The following LONP2 variants were observed in gnomAD, a reference collection of about 807,000 sequenced individuals.
The protein encoded by LONP2 is lon peptidase 2, peroxisomal, also known as lon protease homolog 2, peroxisomal.
Under a neutral mutation model 85.6 loss-of-function variants are expected in LONP2, and 60 were observed. The observed-to-expected ratio is 0.70, with a 90% CI of 0.57 to 0.87. The LOEUF (loss-of-function observed/expected upper bound fraction) is 0.87. Among genes scored for constraint, LONP2 ranks in the 40% least tolerant of loss-of-function variants. LONP2 has a pLI of 0.00. For synonymous variants in LONP2, 395 were observed against 389.7 expected, an observed-to-expected ratio of 1.01 and a Z score of -0.16; for missense variants, 860 against 1,063.5, an observed-to-expected ratio of 0.81 and a Z score of 2.66.
At chr16:48,279,118 G>A (rs1206422280) in intron 8 of LONP2, among the ~76,000 whole-genome samples, 3 of 151,596 alleles carry the variant, frequency 2.0e-5, no homozygotes, top group Non-Finnish European at 2.9e-5. Context: ...TGACCACTTG[G>A]TATATTAAAA....
intron 9 of LONP2, 101 bp downstream of exon 9, chr16:48,296,266 AAC>A: frequency 7.8e-7 from 1 of 1,274,242 alleles, no homozygotes; most frequent in Non-Finnish European, 1.1e-6. Flanking sequence ...TTCATTTGCC[AAC>A]ATACAATCTT....
intron 11 of LONP2, among the ~76,000 whole-genome samples, chr16:48,333,124 G>T (rs2151023792): frequency 6.6e-6 from 1 of 152,054 alleles, no homozygotes; most frequent in South Asian, 2.1e-4. Flanking sequence ...AGTATTTCCT[G>T]CAGTTTTAAA....
downstream of LONP2, among the ~76,000 whole-genome samples, chr16:48,358,524 T>C (rs1285444978): frequency 6.6e-6 from 1 of 152,174 alleles, no homozygotes; most frequent in African/African-American, 2.4e-5. Context: ...CCCAATATCT[T>C]TGAAAATAAA....
chr16:48,310,180 T>C (rs1973000429), intron 11 of LONP2, among the ~76,000 whole-genome samples: 1 of 152,180 alleles, frequency 6.6e-6, no homozygotes, highest in Non-Finnish European at 1.5e-5. Context: ...ACCTTCAGTC[T>C]GTGTGTCTTT....
chr16:48,361,485 T>C (rs906544547), downstream of LONP2: 1 of 1,259,154 alleles, frequency 7.9e-7, no homozygotes, highest in Non-Finnish European at 1.1e-6. Context: ...AGCTTCCACC[T>C]ACCGAAAGAG....
Position 48,348,236 on chromosome 16 carries a change from A to T in LONP2, c.2283A>T (p.Val761=). 6.2e-7 allele frequency: 1 copy of T among 1,611,760 alleles called. No individual in the cohort carries two copies. The highest frequency in any genetic ancestry group is 8.5e-7 in the Non-Finnish European group (1 of 1,179,466). The change falls in exon 14 of 15, where the codon GTA becomes GTT. Residue 761 remains valine (V), a synonymous_variant. Coordinates refer to ENST00000285737, the MANE Select transcript of LONP2 (RefSeq NM_031490.5). ...CLASLFSGRL[V]RSDVAMTGEI... ...CCTCACTTTTTAGTGGGCGGCTGGT[A>T]CGTTCAGATGTAGCCATGACTGGAG...
chr16:48,351,128 C>T (rs981792291), intron 14 of LONP2, among the ~76,000 whole-genome samples: 1 of 152,206 alleles, frequency 6.6e-6, no homozygotes, highest in Non-Finnish European at 1.5e-5. Flanking sequence ...ACATTTTCTT[C>T]ATTAACCAGC....
At chr16:48,289,748 A>C (rs1972521605) in intron 8 of LONP2, among the ~76,000 whole-genome samples, 2 of 152,194 alleles carry the variant, frequency 1.3e-5, no homozygotes, top group African/African-American at 4.8e-5. Flanking sequence ...GGTATTTATA[A>C]ATAAAAAAGA....
intron 12 of LONP2, among the ~76,000 whole-genome samples, chr16:48,341,252 A>G (rs942503684): frequency 6.6e-6 from 1 of 152,176 alleles, no homozygotes; most frequent in Admixed American, 6.5e-5. Flanking sequence ...ATGAGCTGAG[A>G]TCGTGCCACT....
At chr16:48,342,322 TTC>T (rs1959840204) in intron 12 of LONP2, among the ~76,000 whole-genome samples, 1 of 152,218 alleles carries the variant, frequency 6.6e-6, no homozygotes, top group South Asian at 2.1e-4. Flanking sequence ...TTCCAGGAGA[TTC>T]TGTCATCATG....
intron 11 of LONP2, among the ~76,000 whole-genome samples, chr16:48,314,058 T>A (rs2151009984): frequency 6.6e-6 from 1 of 152,352 alleles, no homozygotes; most frequent in South Asian, 2.1e-4. Flanking sequence ...TAATGATCAG[T>A]GATGTTGAGC....
At chr16:48,332,980 A>G (rs538426649) in intron 11 of LONP2, among the ~76,000 whole-genome samples, 41 of 152,302 alleles carry the variant, frequency 2.7e-4, no homozygotes, top group African/African-American at 9.1e-4. Context: ...ATACGAAGCA[A>G]TCACTTTCAG....
rs1246697049 is a variant in LONP2, at chr16:48,277,496, T to C, written c.1383+17T>C. ...CTGCTTGAGGTAAGATTTGGAAAAT[T>C]CCCTGTCTGTCTTCATACTGGAAGA... On this transcript the variant is annotated intron_variant, in intron 8 of 14. Transcript: ENST00000285737. The C allele has an allele frequency of 1.9e-6, 3 of 1,611,018 alleles. No individual in the cohort carries two copies. In the South Asian group the frequency reaches 3.3e-5, roughly 18 times the overall value.
intron 9 of LONP2, 80 bp downstream of exon 9, chr16:48,296,245 A>G: frequency 6.9e-7 from 1 of 1,456,968 alleles, no homozygotes; most frequent in Non-Finnish European, 9.3e-7. Context: ...TGGAGTTTTG[A>G]CTAAAAGAAG....
intron 11 of LONP2, among the ~76,000 whole-genome samples, chr16:48,331,797 C>T (rs912672579): frequency 2.0e-5 from 3 of 152,202 alleles, no homozygotes; most frequent in African/African-American, 7.2e-5. Context: ...ATCTCCTGAC[C>T]TCGTGATCCA....
intron 9 of LONP2, among the ~76,000 whole-genome samples, chr16:48,297,959 A>G (rs1462869010): frequency 2.6e-5 from 4 of 152,234 alleles, no homozygotes; most frequent in African/African-American, 4.8e-5. Context: ...TGGCCTCCCA[A>G]TATAACTGGA....
At chr16:48,248,389 G>T (rs539783046) in intron 1 of LONP2, among the ~76,000 whole-genome samples, 1 of 151,430 alleles carries the variant, frequency 6.6e-6, no homozygotes, top group Admixed American at 6.6e-5. Context: ...GCCTCCCAAA[G>T]TGCTGGGATT....
chr16:48,317,306 G>C (rs1276586122), intron 11 of LONP2, among the ~76,000 whole-genome samples: 1 of 151,976 alleles, frequency 6.6e-6, no homozygotes, highest in African/African-American at 2.4e-5. Context: ...TCCTTTATTG[G>C]GATTTTGCCA....
chr16:48,351,767 A>G lies in LONP2; in HGVS notation c.2524A>G (p.Lys842Glu). The change falls in exon 15 of 15, where the codon AAG (lysine) becomes GAG (glutamate). Residue 842 changes from lysine to glutamate, a missense_variant. Physicochemically the swap from Lys to Glu is moderately conservative, Grantham distance 56. Around this residue, in one of 3 missense-constraint regions of LONP2, gnomAD observed 115 missense variants for 129.0 expected, o/e 0.89. Transcript: ENST00000285737. ...AGCTTTTGATGGTGGCTTTACTGTC[A>G]AGACCAGACCTGGTCTGTTAAATAG... Reference protein sequence around the residue: ...NAAFDGGFTVKTRPGLLNSKL With the variant: ...NAAFDGGFTVETRPGLLNSKL 6.2e-7 allele frequency: 1 copy of G among 1,614,182 alleles called. No homozygotes were observed. Among genetic ancestry groups the G allele is most frequent in the East Asian group, 2.2e-5 (1 of 44,882 alleles).
Sources: allele counts gnomAD v4.1 joint callset (sites outside exome capture counted in the v4.1 genomes callset), GRCh38; gene constraint gnomAD v4.1.1; regional missense constraint gnomAD v4.1.1; transcripts MANE v1.5; gene names NCBI Gene and HGNC (gene_info 2026-07-23, HGNC 2026-07-21).